The following PLA2G4E variants were observed in gnomAD, a reference collection of about 807,000 sequenced individuals.
The protein encoded by PLA2G4E is cytosolic phospholipase A2 epsilon.
In PLA2G4E, 84 loss-of-function variants were observed where a neutral mutation model predicts 109.1. That is an observed-to-expected ratio of 0.77 (90% CI 0.65 to 0.92). The LOEUF (loss-of-function observed/expected upper bound fraction) is 0.92, where lower values mean the gene tolerates loss of function less well. PLA2G4E is among the 40% of genes least tolerant of loss of function. The pLI is 0.00. For missense variants in PLA2G4E, 1,057 were observed against 1,076.6 expected, an observed-to-expected ratio of 0.98 and a Z score of 0.25; for synonymous variants, 469 against 436.1, an observed-to-expected ratio of 1.08 and a Z score of -0.94.
In PLA2G4E at chr15:41,985,860, G is replaced by A. The variant is rs1479606672; in HGVS notation, c.2181C>T (p.Tyr727=). 5.0e-6 allele frequency: 8 copies of A among 1,611,050 alleles called. No homozygotes were observed. The Admixed American group carries it at 1.2e-4, about 24-fold the overall frequency. ...TTGCCTTTGTCTGGGACCCAGCACA[G>A]TAGTTGAGGTGGATGATGAGGTCGG... Residue 727 remains tyrosine (Y), a synonymous_variant, in exon 18 of 20, where the codon TAC becomes TAT. Transcript: ENST00000399518.
chr15:42,017,747 A>G (rs375637698), intron 1 of PLA2G4E, among the ~76,000 whole-genome samples: 9 of 152,204 alleles, frequency 5.9e-5, no homozygotes, highest in Admixed American at 3.9e-4. Flanking sequence ...CCCAAAGCCA[A>G]AAAATAACCA....
At chr15:42,002,572 G>C in intron 6 of PLA2G4E, 82 bp downstream of exon 6, 4 of 1,443,564 alleles carry the variant, frequency 2.8e-6, no homozygotes, top group Non-Finnish European at 3.8e-6. Context: ...TGGGCCCACT[G>C]TTTTCTCCCT....
chr15:42,007,718 C>A lies in PLA2G4E; in HGVS notation c.393+11G>T, dbSNP rs1350995645. ...AGACAGGGAAGACAGGTGCAGTCCT[C>A]CATGTCTCACCTTCACTCGGCTCTG... On this transcript the variant is annotated intron_variant, in intron 3 of 19. Transcript: ENST00000399518. 1 of 1,610,018 alleles carries A rather than the reference C, an allele frequency of 6.2e-7. No homozygotes were observed. The highest frequency in any genetic ancestry group is 1.7e-5 in the Admixed American group (1 of 59,616).
At chr15:41,999,980 C>A in exon 9 of PLA2G4E, 1 of 1,609,916 alleles carries the variant, frequency 6.2e-7, no homozygotes, top group South Asian at 1.1e-5. Flanking sequence ...TGGGGCCCTT[C>A]TTGCGAGAGC....
At position 42,015,410 on chromosome 15, in the gene PLA2G4E, G is replaced by A. The variant is rs374474576; in HGVS notation, c.184-1653C>T. Among the ~76,000 whole-genome samples, 399 of 152,236 alleles carry A rather than the reference G, an allele frequency of 2.6e-3. 4 individuals carry two copies. Among genetic ancestry groups the A allele is most frequent in the African/African-American group, 7.7e-3 (319 of 41,536 alleles). ...CGTTAAGCCTGTGGGAGCCGCTCCC[G>A]TTTCACCCCTCTCCTGGCCAGCGTC... On this transcript the variant is annotated intron_variant, in intron 1 of 19. Coordinates refer to ENST00000399518, the Ensembl canonical transcript of PLA2G4E.
At position 42,021,136 on chromosome 15, in the gene PLA2G4E, G is replaced by A. The variant is rs549116647; in HGVS notation, c.184-7379C>T. On this transcript the variant is annotated intron_variant, in intron 1 of 19. Transcript: ENST00000399518. ...CAGTAGCTGGGATTGCTCTGGGAGT[G>A]GTTTGAGTGGGTAGACAGATAGGGT... Among the ~76,000 whole-genome samples, 103 of 152,036 alleles carry A rather than the reference G, an allele frequency of 6.8e-4. 1 individual carries two copies. The highest frequency in any genetic ancestry group is 2.4e-3 in the African/African-American group (101 of 41,442).
At chr15:41,987,491 A>C in intron 16 of PLA2G4E, 116 bp from the exon 17 acceptor site, 2 of 923,276 alleles carry the variant, frequency 2.2e-6, no homozygotes, top group East Asian at 5.3e-5. Context: ...AAAGCAGCTC[A>C]TACCTTCCTT....
At chr15:42,007,834 C>A in exon 3 of PLA2G4E, 1 of 1,607,992 alleles carries the variant, frequency 6.2e-7, no homozygotes, top group East Asian at 2.2e-5. Flanking sequence ...CGGTGGGCAG[C>A]CAGAGGCTCA....
At chr15:41,992,576 G>A (rs1049396227) in intron 13 of PLA2G4E, among the ~76,000 whole-genome samples, 161 bp downstream of exon 13, 6 of 152,272 alleles carry the variant, frequency 3.9e-5, no homozygotes, top group East Asian at 3.9e-4. Flanking sequence ...ACCTTCCTCC[G>A]TCATAGAGTC....
intron 1 of PLA2G4E, among the ~76,000 whole-genome samples, chr15:42,021,745 C>G (rs747780076): frequency 6.6e-6 from 1 of 152,230 alleles, no homozygotes; most frequent in Non-Finnish European, 1.5e-5. Context: ...ACTGAGGGGC[C>G]TGACAAGGGC....
intron 1 of PLA2G4E, among the ~76,000 whole-genome samples, chr15:42,021,767 T>C (rs2598465): frequency 0.97 from 147,747 of 152,298 alleles, 71,848 homozygotes; most frequent in Middle Eastern, 1. Context: ...GCTTTGCCTG[T>C]TCTGCTGCCT....
chr15:42,000,094 C>G lies in PLA2G4E; in HGVS notation c.852+10G>C. The G allele has an allele frequency of 6.3e-7, 1 of 1,580,072 alleles. No homozygotes were observed. The highest frequency in any genetic ancestry group is 8.6e-7 in the Non-Finnish European group (1 of 1,162,744). Reference sequence around the variant, plus strand: ...CCCCCACACCTCCCCCAGTGTCAGCCGCCTTGTACCCCACAGCTCCAGTGA... The same window carrying G: ...CCCCCACACCTCCCCCAGTGTCAGCGGCCTTGTACCCCACAGCTCCAGTGA... On this transcript the variant is annotated intron_variant, in intron 8 of 19. Transcript: ENST00000399518.
intron 1 of PLA2G4E, among the ~76,000 whole-genome samples, chr15:42,042,625 T>A (rs1889335525): frequency 6.6e-6 from 1 of 151,958 alleles, no homozygotes; most frequent in Admixed American, 6.6e-5. Flanking sequence ...CCCATGGCCA[T>A]CCTCTGGGAG....
intron 1 of PLA2G4E, among the ~76,000 whole-genome samples, chr15:42,026,542 T>G (rs1364103337): frequency 2.0e-5 from 3 of 152,170 alleles, no homozygotes; most frequent in African/African-American, 7.2e-5. Flanking sequence ...TAATGGCAAG[T>G]GTTGGTGGGA....
chr15:42,002,795 C>T, intron 5 of PLA2G4E, 99 bp from the exon 6 acceptor site: 1 of 1,132,884 alleles, frequency 8.8e-7, no homozygotes, highest in Non-Finnish European at 1.3e-6. Context: ...AACAAAATAT[C>T]AGAGCCTTCT....
At chr15:42,031,506 TTTCCTCTCTTC>T (rs1377965683) in intron 1 of PLA2G4E, among the ~76,000 whole-genome samples, 1 of 151,992 alleles carries the variant, frequency 6.6e-6, no homozygotes, top group Non-Finnish European at 1.5e-5. Flanking sequence ...CTCCTCTCAT[TTTCCTCTCTTC>T]CTCTCCCTTC....
chr15:41,983,775 C>A, exon 20 of PLA2G4E: 1 of 1,598,062 alleles, frequency 6.3e-7, no homozygotes, highest in Non-Finnish European at 8.5e-7. Context: ...ACTGGCCCTT[C>A]AGGCGCTTCT....
intron 11 of PLA2G4E, among the ~76,000 whole-genome samples, chr15:41,996,692 C>A (rs116374970): frequency 4.6e-5 from 7 of 152,186 alleles, no homozygotes; most frequent in African/African-American, 1.7e-4. Context: ...AGCTTCCTAG[C>A]GCTGTTATTT....
chr15:42,043,249 G>A (rs1471038420), intron 1 of PLA2G4E, among the ~76,000 whole-genome samples: 1 of 152,158 alleles, frequency 6.6e-6, no homozygotes, highest in Non-Finnish European at 1.5e-5. Flanking sequence ...CCTTCCGGAG[G>A]CCAGGCCCAC....
Sources: gnomAD v4.1 joint callset for allele counts (sites outside exome capture counted in the v4.1 genomes callset) on GRCh38, gnomAD v4.1.1 for gene constraint, MANE v1.5 for transcripts, NCBI Gene and HGNC (gene_info 2026-07-23, HGNC 2026-07-21) for gene names.